Variants in KCTD8 observed in about 807,000 individuals in gnomAD.
KCTD8 encodes the protein BTB/POZ domain-containing protein KCTD8.
KCTD8 carries 27 observed loss-of-function variants against 31.5 expected under a neutral mutation model. That is an observed-to-expected ratio of 0.86 (90% CI 0.63 to 1.18). KCTD8 has a LOEUF of 1.18. KCTD8 is among the 50% of genes most tolerant of loss of function. The probability of loss-of-function intolerance (pLI) is 0.00; values close to 1 mark genes in which losing one functional copy is unlikely to be tolerated. For missense variants in KCTD8, 658 were observed against 647.7 expected (o/e 1.02, Z -0.17); for synonymous variants, 290 against 280.0 (o/e 1.04, Z -0.36).
At chr4:44,276,840 GACTT>G (rs1037486052) in intron 1 of KCTD8, among the ~76,000 whole-genome samples, 5 of 151,854 alleles carry the variant, frequency 3.3e-5, no homozygotes, top group Admixed American at 6.6e-5. Flanking sequence ...TATTTCATGA[GACTT>G]ACTTACTGAA....
intron 1 of KCTD8, among the ~76,000 whole-genome samples, chr4:44,358,689 C>A (rs1370122667): frequency 6.6e-6 from 1 of 152,174 alleles, no homozygotes; most frequent in African/African-American, 2.4e-5. Flanking sequence ...CTGCCTCAGC[C>A]TCCCGAGTAG....
intron 1 of KCTD8, among the ~76,000 whole-genome samples, chr4:44,252,163 A>G (rs890097249): frequency 6.6e-5 from 10 of 151,638 alleles, no homozygotes; most frequent in South Asian, 4.1e-4. Context: ...CTCCAATTTT[A>G]CCCAGGTTGC....
chr4:44,368,767 A>G (rs765585191), intron 1 of KCTD8, among the ~76,000 whole-genome samples: 30 of 152,242 alleles, frequency 2.0e-4, no homozygotes, highest in Non-Finnish European at 4.1e-4. Flanking sequence ...TGCCTCAGAG[A>G]AAGCAATCTC....
chr4:44,369,766 C>T (rs999049560), intron 1 of KCTD8, among the ~76,000 whole-genome samples: 4 of 151,914 alleles, frequency 2.6e-5, no homozygotes, highest in Admixed American at 6.6e-5. Context: ...CCTTTGCACC[C>T]GCAAGCCTGG....
chr4:44,319,430 T>G (rs1718230198), intron 1 of KCTD8, among the ~76,000 whole-genome samples: 1 of 148,692 alleles, frequency 6.7e-6, no homozygotes, highest in Non-Finnish European at 1.5e-5. Flanking sequence ...GAGATCAAAG[T>G]AGAGGATTTA....
At chr4:44,189,035 T>C (rs1683741007) in intron 1 of KCTD8, among the ~76,000 whole-genome samples, 1 of 152,210 alleles carries the variant, frequency 6.6e-6, no homozygotes, top group African/African-American at 2.4e-5. Context: ...AGTTATGTCA[T>C]CTTATATAAG....
intron 1 of KCTD8, among the ~76,000 whole-genome samples, chr4:44,189,635 A>C (rs1423603492): frequency 6.6e-6 from 1 of 151,966 alleles, no homozygotes; most frequent in Admixed American, 6.6e-5. Context: ...CCATCTACCC[A>C]TTCCAACATA....
chr4:44,355,372 C>T (rs1719316194), intron 1 of KCTD8, among the ~76,000 whole-genome samples: 1 of 152,034 alleles, frequency 6.6e-6, no homozygotes, highest in Non-Finnish European at 1.5e-5. Flanking sequence ...AAGACATTTG[C>T]TTTATAGCTG....
At chr4:44,418,561 A>C (rs1721133698) in intron 1 of KCTD8, among the ~76,000 whole-genome samples, 1 of 152,216 alleles carries the variant, frequency 6.6e-6, no homozygotes, top group African/African-American at 2.4e-5. Flanking sequence ...TTAGAAGCTC[A>C]TATAAAGGAT....
At chr4:44,391,653 A>G (rs1720377580) in intron 1 of KCTD8, among the ~76,000 whole-genome samples, 1 of 151,862 alleles carries the variant, frequency 6.6e-6, no homozygotes, top group Admixed American at 6.6e-5. Flanking sequence ...TCATGTTATC[A>G]GTAAGACTTC....
rs1721997217 is a variant in KCTD8, at chr4:44,448,077, C to G, written c.447G>C (p.Lys149Asn). 6.2e-7 allele frequency: 1 copy of G among 1,612,460 alleles called. No individual in the cohort carries two copies. The highest frequency in any genetic ancestry group is 1.3e-5 in the African/African-American group (1 of 74,870). The change falls in exon 1 of 2, where the codon AAG becomes AAC. Residue 149 changes from lysine (K) to asparagine (N), a missense_variant. Physicochemically the swap from Lys to Asn is moderately conservative, Grantham distance 94. Coordinates refer to ENST00000360029, the MANE Select transcript of KCTD8 (RefSeq NM_198353.3). This position sits in a 1 kb window ranked among gnomAD's most constrained non-coding sequence, Gnocchi z 4.1. ...CGTTGAGAGAGTTCTGCTTGGTGAC[C>G]TTGGGCGACAGCAGCTTGACCAAGT... is the stretch of plus-strand genomic sequence containing the variant. ...LTDLVKLLSP[K>N]VTKQNSLNDE...
At chr4:44,330,983 T>G (rs2109412269) in intron 1 of KCTD8, among the ~76,000 whole-genome samples, 1 of 151,886 alleles carries the variant, frequency 6.6e-6, no homozygotes, top group East Asian at 1.9e-4. Flanking sequence ...CAGTTGTTAT[T>G]AAGGCATAAT....
intron 1 of KCTD8, among the ~76,000 whole-genome samples, chr4:44,260,942 C>G (rs2109365613): frequency 6.6e-6 from 1 of 151,980 alleles, no homozygotes; most frequent in Non-Finnish European, 1.5e-5. Flanking sequence ...GGGAGATGAG[C>G]TAGAACCTAT....
intron 1 of KCTD8, among the ~76,000 whole-genome samples, chr4:44,298,074 A>T (rs1717490082): frequency 6.6e-6 from 1 of 152,138 alleles, no homozygotes; most frequent in African/African-American, 2.4e-5. Context: ...TCTGATGCAG[A>T]GTTTGTCAGT....
chr4:44,220,511 C>A (rs563186444), intron 1 of KCTD8, among the ~76,000 whole-genome samples: 1 of 152,232 alleles, frequency 6.6e-6, no homozygotes, highest in South Asian at 2.1e-4. Flanking sequence ...AAGATATGAT[C>A]ATCTAAATGT....
chr4:44,295,301 T>C (rs1483674994), intron 1 of KCTD8, among the ~76,000 whole-genome samples: 1 of 151,900 alleles, frequency 6.6e-6, no homozygotes, highest in East Asian at 1.9e-4. Flanking sequence ...TCTCAAAAAA[T>C]AAAAATAAAA....
At chr4:44,202,329 C>T (rs936800316) in intron 1 of KCTD8, among the ~76,000 whole-genome samples, 3 of 152,126 alleles carry the variant, frequency 2.0e-5, no homozygotes, top group Non-Finnish European at 2.9e-5. Flanking sequence ...CATGCACTCA[C>T]ATGTTCATTG....
intron 1 of KCTD8, among the ~76,000 whole-genome samples, chr4:44,251,717 T>G (rs949475288): frequency 6.6e-6 from 1 of 151,526 alleles, no homozygotes; most frequent in African/African-American, 2.4e-5. Context: ...CATTAAGAAT[T>G]ATGCATCTTA....
intron 1 of KCTD8, among the ~76,000 whole-genome samples, chr4:44,356,057 A>G (rs1326047810): frequency 6.6e-6 from 1 of 152,218 alleles, no homozygotes; most frequent in Admixed American, 6.5e-5. Flanking sequence ...TACATATACT[A>G]CATATAACTT....
Sources: allele counts gnomAD v4.1 joint callset (sites outside exome capture counted in the v4.1 genomes callset), GRCh38; gene constraint gnomAD v4.1.1; non-coding constraint Gnocchi (gnomAD v3.1); transcripts MANE v1.5; gene names NCBI Gene and HGNC (gene_info 2026-07-23, HGNC 2026-07-21).